SYNPO2: variants seen among roughly 807,000 people sequenced by gnomAD.
SYNPO2 encodes synaptopodin 2.
A neutral mutation model predicts 85.0 loss-of-function variants in SYNPO2; 56 were observed. That is an observed-to-expected ratio of 0.66 (90% CI 0.53 to 0.82). SYNPO2 has a LOEUF of 0.82. Among genes scored for constraint, SYNPO2 ranks in the 40% least tolerant of loss-of-function variants. The pLI is 0.00. For synonymous variants in SYNPO2, 602 were observed against 591.1 expected, an observed-to-expected ratio of 1.02 and a Z score of -0.27; for missense variants, 1,575 against 1,534.2, an observed-to-expected ratio of 1.03 and a Z score of -0.44.
At chr4:118,863,227 A>G (rs1277177984) in intron 1 of SYNPO2, among the ~76,000 whole-genome samples, 1 of 152,170 alleles carries the variant, frequency 6.6e-6, no homozygotes, top group Non-Finnish European at 1.5e-5. Context: ...TAGTTTGAGT[A>G]GGATTTGTAT....
chr4:118,955,353 A>G (rs538783669), intron 1 of SYNPO2, among the ~76,000 whole-genome samples: 1 of 152,274 alleles, frequency 6.6e-6, no homozygotes, highest in Non-Finnish European at 1.5e-5. Flanking sequence ...AGTGAAACAT[A>G]ATGGGAAATC....
At chr4:118,857,922 GA>G (rs1233885165) in intron 1 of SYNPO2, among the ~76,000 whole-genome samples, 1 of 152,226 alleles carries the variant, frequency 6.6e-6, no homozygotes, top group African/African-American at 2.4e-5. Context: ...CAGGAATCAA[GA>G]AGTGTTAGTC....
At chr4:118,867,053 C>T (rs558098354) in intron 1 of SYNPO2, among the ~76,000 whole-genome samples, 1 of 152,044 alleles carries the variant, frequency 6.6e-6, no homozygotes, top group African/African-American at 2.4e-5. Context: ...ATAGCTGTTA[C>T]CTCTTTTTGA....
intron 1 of SYNPO2, among the ~76,000 whole-genome samples, chr4:118,976,694 T>C (rs1735759680): frequency 6.6e-6 from 1 of 152,166 alleles, no homozygotes; most frequent in Non-Finnish European, 1.5e-5. Context: ...AGCAGCTAGA[T>C]ACAGAGTGTC....
intron 1 of SYNPO2, among the ~76,000 whole-genome samples, chr4:118,920,904 T>C (rs978206586): frequency 6.6e-5 from 10 of 151,890 alleles, no homozygotes; most frequent in Non-Finnish European, 1.5e-4. Flanking sequence ...TTCCTTTTTT[T>C]TTTTCTTGTT....
intron 1 of SYNPO2, among the ~76,000 whole-genome samples, chr4:118,871,275 CTT>C (rs144683675): frequency 1.4e-5 from 2 of 146,136 alleles, no homozygotes; most frequent in Admixed American, 6.9e-5. Context: ...TTCTTTATTT[CTT>C]TTTTTTTTTG....
At chr4:119,037,311 AAT>A (rs1366151186) in intron 4 of SYNPO2, 1 of 1,295,814 alleles carries the variant, frequency 7.7e-7, no homozygotes, top group East Asian at 2.9e-5. Flanking sequence ...AAAATTTTTA[AAT>A]CAAAAGATTG....
chr4:119,049,988 A>T (rs1332898650), intron 4 of SYNPO2, among the ~76,000 whole-genome samples: 1 of 152,116 alleles, frequency 6.6e-6, no homozygotes, highest in Non-Finnish European at 1.5e-5. Context: ...AAAATTTCTA[A>T]GATCTTACTC....
chr4:118,952,168 C>T (rs1390181772), intron 1 of SYNPO2, among the ~76,000 whole-genome samples: 1 of 152,170 alleles, frequency 6.6e-6, no homozygotes, highest in Non-Finnish European at 1.5e-5. Context: ...TCCCCTTGCA[C>T]TACTTTGAAG....
chr4:118,915,857 A>T (rs547625092), intron 1 of SYNPO2, among the ~76,000 whole-genome samples: 12 of 152,012 alleles, frequency 7.9e-5, no homozygotes, highest in African/African-American at 2.9e-4. Context: ...TAGACTTTTT[A>T]TTTTTTTATT....
chr4:118,952,344 T>A (rs1734730124), intron 1 of SYNPO2, among the ~76,000 whole-genome samples: 2 of 152,170 alleles, frequency 1.3e-5, no homozygotes, highest in Non-Finnish European at 2.9e-5. Flanking sequence ...TCTTTTTTAT[T>A]TTTTTCCATA....
intron 1 of SYNPO2, among the ~76,000 whole-genome samples, chr4:118,927,697 G>GATAGAT: frequency 8.0e-6 from 1 of 124,980 alleles, no homozygotes; most frequent in East Asian, 2.4e-4. Flanking sequence ...ATTAAACAAT[G>GATAGAT]AGATAGATAG....
chr4:118,863,433 T>C (rs951959459), intron 1 of SYNPO2, among the ~76,000 whole-genome samples: 1 of 152,232 alleles, frequency 6.6e-6, no homozygotes, highest in Non-Finnish European at 1.5e-5. Flanking sequence ...GATTTTCCAA[T>C]TTATTGTCAT....
At chr4:118,917,091 A>G (rs1335164233) in intron 1 of SYNPO2, among the ~76,000 whole-genome samples, 3 of 152,142 alleles carry the variant, frequency 2.0e-5, no homozygotes, top group Non-Finnish European at 4.4e-5. Context: ...AAGTCATTTG[A>G]TTAAAACACA....
At chr4:118,972,323 AG>A (rs1328388030) in intron 1 of SYNPO2, among the ~76,000 whole-genome samples, 18 of 152,158 alleles carry the variant, frequency 1.2e-4, no homozygotes, top group Admixed American at 9.2e-4. Flanking sequence ...GCGTGCCTGT[AG>A]TCCCAGCTAC....
intron 1 of SYNPO2, among the ~76,000 whole-genome samples, chr4:118,929,447 G>T (rs1218844407): frequency 6.6e-6 from 1 of 151,752 alleles, no homozygotes; most frequent in Non-Finnish European, 1.5e-5. Context: ...AAACCATAAG[G>T]CTTCTAATCT....
intron 1 of SYNPO2, among the ~76,000 whole-genome samples, chr4:119,008,590 C>T (rs1157911049): frequency 1.3e-5 from 2 of 152,104 alleles, no homozygotes; most frequent in Non-Finnish European, 2.9e-5. Flanking sequence ...TTGATGTTTT[C>T]ATTGAAATCC....
chr4:118,985,324 C>T (rs1280656557), intron 1 of SYNPO2, among the ~76,000 whole-genome samples: 1 of 152,212 alleles, frequency 6.6e-6, no homozygotes, highest in Non-Finnish European at 1.5e-5. Context: ...ATGCCTCGTG[C>T]TCCTGGAACA....
At chr4:118,940,019 C>T (rs1337342119) in intron 1 of SYNPO2, among the ~76,000 whole-genome samples, 1 of 132,234 alleles carries the variant, frequency 7.6e-6, no homozygotes, top group Non-Finnish European at 1.5e-5. Context: ...TGGAGTCTTG[C>T]TCTGTCCCCG....
Sources: gnomAD v4.1 joint callset for allele counts (sites outside exome capture counted in the v4.1 genomes callset) on GRCh38, gnomAD v4.1.1 for gene constraint, MANE v1.5 for transcripts, NCBI Gene and HGNC (gene_info 2026-07-23, HGNC 2026-07-21) for gene names.